CCDC97: variants seen among roughly 807,000 people sequenced by gnomAD.
CCDC97 encodes coiled-coil domain containing 97, also known as coiled-coil domain-containing protein 97.
A neutral mutation model predicts 33.9 loss-of-function variants in CCDC97; 27 were observed. The observed-to-expected ratio is 0.80, with a 90% CI of 0.59 to 1.10. The LOEUF (loss-of-function observed/expected upper bound fraction) is 1.10, where lower values mean the gene tolerates loss of function less well. Ranked by LOEUF, CCDC97 falls within the 50% of genes least tolerant of loss-of-function variation. The pLI is 0.00. For synonymous variants in CCDC97, 217 were observed against 194.0 expected, an observed-to-expected ratio of 1.12 and a Z score of -0.99; for missense variants, 422 against 476.6, an observed-to-expected ratio of 0.89 and a Z score of 1.07.
At chr19:41,320,686 G>GC (rs1230278134) in intron 4 of CCDC97, 4 of 555,132 alleles carry the variant, frequency 7.2e-6, no homozygotes, top group Non-Finnish European at 1.3e-5. Context: ...CACCTCTAAG[G>GC]CAGGGGATGG....
intron 1 of CCDC97, 125 bp from the exon 2 acceptor site, chr19:41,316,259 C>G (rs2037744248): frequency 1.4e-6 from 1 of 699,876 alleles, no homozygotes; most frequent in East Asian, 2.7e-5. Flanking sequence ...TGTGGTTTCT[C>G]TAGTGCCCAG....
chr19:41,315,196 A>T (rs1186125676), intron 1 of CCDC97, among the ~76,000 whole-genome samples: 1 of 148,310 alleles, frequency 6.7e-6, no homozygotes, highest in Admixed American at 6.9e-5. Flanking sequence ...GCTGCTCGGG[A>T]GGCTGAGGCA....
At chr19:41,316,919 T>G in intron 2 of CCDC97, 80 bp downstream of exon 2, 1 of 1,116,728 alleles carries the variant, frequency 9.0e-7, no homozygotes, top group Non-Finnish European at 1.3e-6. Context: ...GAGAAAAGAA[T>G]ACAAGAGCAG....
Position 41,310,334 on chromosome 19 carries a change from G to A in CCDC97, c.24G>A (p.Thr8=), listed in dbSNP as rs371317372. The change falls in exon 1 of 5, where the codon ACG becomes ACA. Residue 8 remains threonine, a synonymous_variant. Coordinates refer to ENST00000269967, the MANE Select transcript of CCDC97 (RefSeq NM_052848.3). MEAVATA[T]AAKEPDKGCI... is the part of the protein sequence containing the mutation. ...GGATGGAGGCCGTGGCGACGGCGACGGCGGCGAAGGAACCCGATAAGGGTG... is the reference window on the plus strand; with the variant it reads ...GGATGGAGGCCGTGGCGACGGCGACAGCGGCGAAGGAACCCGATAAGGGTG... 1.4e-3 allele frequency: 2,188 copies of A among 1,606,636 alleles called. 36 individuals carry two copies. In the South Asian group the frequency reaches 0.023, roughly 17 times the overall value.
chr19:41,316,874 T>C (rs537826394), intron 2 of CCDC97, 35 bp downstream of exon 2: 5 of 1,494,566 alleles, frequency 3.3e-6, no homozygotes, highest in Non-Finnish European at 3.7e-6. Context: ...TGGGCACATA[T>C]GGGGAGGGAG....
rs1599873793 is a variant in CCDC97 at position 41,316,691 on chromosome 19, G to C, written c.354G>C (p.Glu118Asp). 1 of 1,614,088 alleles carries C rather than the reference G, an allele frequency of 6.2e-7. No homozygotes were observed. Among genetic ancestry groups the C allele is most frequent in the Non-Finnish European group, 8.5e-7 (1 of 1,180,020 alleles). ...LERFRTGLRE[E>D]HLACFGHVRG... is the part of the protein sequence containing the mutation. ...GCTTCCGCACAGGCCTCCGTGAGGAGCATCTGGCCTGCTTTGGCCACGTGC... is the reference window on the plus strand; with the variant it reads ...GCTTCCGCACAGGCCTCCGTGAGGACCATCTGGCCTGCTTTGGCCACGTGC... Residue 118 changes from glutamate to aspartate, a missense_variant, in exon 2 of 5, where the codon GAG (glutamate) becomes GAC (aspartate). Coordinates refer to ENST00000269967, the MANE Select transcript of CCDC97 (RefSeq NM_052848.3).
rs533917794 is a variant in CCDC97, at chr19:41,314,932, A to G, written c.47-1452A>G. ...TGGGAGGATTGCCTGAGCTCAAGAG[A>G]TTGAGACCACCCTGGGCAACCTAGT... is the stretch of plus-strand genomic sequence containing the variant. On this transcript the variant is annotated intron_variant, in intron 1 of 4. Transcript: ENST00000269967. Among the ~76,000 whole-genome samples, 10 of 150,796 alleles carry G rather than the reference A, an allele frequency of 6.6e-5. No homozygotes were observed. In the East Asian group the frequency reaches 2.0e-3, roughly 29 times the overall value.
chr19:41,322,841 CCAT>C lies in CCDC97; in HGVS notation c.*128_*130del, dbSNP rs1460556388. The C allele has an allele frequency of 9.1e-7, 1 of 1,099,922 alleles. No homozygotes were observed. The highest frequency in any genetic ancestry group is 1.3e-6 in the Non-Finnish European group (1 of 774,716). 68.1% of individuals were successfully genotyped at this position (1,099,922 alleles called of 1,614,324 possible). Reference sequence around the variant, plus strand: ...AGTGCCCCACAACCCACACACACCACCATCTCACTGGGTCTAGTCTCATCTCAG... The same window carrying C: ...AGTGCCCCACAACCCACACACACCACCTCACTGGGTCTAGTCTCATCTCAG... On this transcript the variant is annotated 3_prime_UTR_variant, in exon 5 of 5. Coordinates refer to ENST00000269967, the MANE Select transcript of CCDC97 (RefSeq NM_052848.3).
chr19:41,315,542 G>A (rs1371814662), intron 1 of CCDC97, among the ~76,000 whole-genome samples: 2 of 151,828 alleles, frequency 1.3e-5, no homozygotes, highest in African/African-American at 4.8e-5. Flanking sequence ...CCCAGGAGGC[G>A]GCAGTTGCAG....
At chr19:41,315,239 G>A (rs1304540771) in intron 1 of CCDC97, among the ~76,000 whole-genome samples, 2 of 140,166 alleles carry the variant, frequency 1.4e-5, no homozygotes, top group Non-Finnish European at 3.0e-5. Flanking sequence ...GGAGGTTGCA[G>A]TGAATCAAGA....
At chr19:41,310,659 C>T (rs1416617207) in intron 1 of CCDC97, 3 of 1,315,160 alleles carry the variant, frequency 2.3e-6, no homozygotes, top group East Asian at 6.2e-5. Context: ...TCTACCCCGG[C>T]CTAATTCCTG....
chr19:41,321,464 A>C (rs2037824343), intron 4 of CCDC97, among the ~76,000 whole-genome samples: 1 of 152,210 alleles, frequency 6.6e-6, no homozygotes, highest in Non-Finnish European at 1.5e-5. Context: ...CCATCCGTGC[A>C]TTCAGTTGGC....
chr19:41,317,671 A>G (rs1326415741), intron 2 of CCDC97, among the ~76,000 whole-genome samples: 1 of 151,238 alleles, frequency 6.6e-6, no homozygotes, highest in African/African-American at 2.4e-5. Context: ...AGATCCCACC[A>G]CTAAGCTCTA....
At chr19:41,316,148 A>G (rs116170735) in intron 1 of CCDC97, among the ~76,000 whole-genome samples, 1 of 151,952 alleles carries the variant, frequency 6.6e-6, no homozygotes, top group African/African-American at 2.4e-5. Context: ...TTCCCTGTTT[A>G]TTTTTCCGCA....
Position 41,316,848 on chromosome 19 carries a change from G to A in CCDC97, c.502+9G>A, listed in dbSNP as rs1189927100. ...GCGAGAGCTGATCCAAGGTGTGGGG[G>A]CCAGATGGGCGACAGTGGGCACATA... On this transcript the variant is annotated intron_variant, in intron 2 of 4. Transcript: ENST00000269967. 3.8e-6 allele frequency: 6 copies of A among 1,571,216 alleles called. No individual in the cohort carries two copies. The highest frequency in any genetic ancestry group is 5.2e-6 in the Non-Finnish European group (6 of 1,151,490).
At chr19:41,319,451 G>A (rs2037789980) in intron 2 of CCDC97, 123 bp from the exon 3 acceptor site, 2 of 731,668 alleles carry the variant, frequency 2.7e-6, no homozygotes, top group Admixed American at 5.2e-5. Flanking sequence ...TTTTGAATGT[G>A]TGCATACACA....
chr19:41,321,560 G>T (rs531411515), intron 4 of CCDC97, among the ~76,000 whole-genome samples: 15 of 152,348 alleles, frequency 9.8e-5, no homozygotes, highest in Middle Eastern at 3.4e-3. Flanking sequence ...CTGAAAAGGG[G>T]TCCCACTCTA....
chr19:41,316,440 T>C lies in CCDC97; in HGVS notation c.103T>C (p.Ser35Pro), dbSNP rs911179337. 2 of 1,614,076 alleles carry C rather than the reference T, an allele frequency of 1.2e-6. No homozygotes were observed. The highest frequency in any genetic ancestry group is 1.1e-5 in the South Asian group (1 of 91,082). The change falls in exon 2 of 5, where the codon TCT becomes CCT. Residue 35 changes from serine to proline, a missense_variant. Coordinates refer to ENST00000269967, the MANE Select transcript of CCDC97 (RefSeq NM_052848.3). ...TGAGCTGAGCCGGACACCAGTCCCA[T>C]CTAAACCCCAGGACAAAGTGGAAGC... ...WGELSRTPVPSKPQDKVEAAE... is the reference protein window; with the variant it reads ...WGELSRTPVPPKPQDKVEAAE...
chr19:41,310,626 ACT>A (rs1213698625), intron 1 of CCDC97: 12 of 985,078 alleles, frequency 1.2e-5, no homozygotes, highest in South Asian at 4.7e-5. Context: ...TACCAGGCTA[ACT>A]CTCAAATTAA....
Sources: gnomAD v4.1 joint callset for allele counts (sites outside exome capture counted in the v4.1 genomes callset) on GRCh38, gnomAD v4.1.1 for gene constraint, MANE v1.5 for transcripts, NCBI Gene and HGNC (gene_info 2026-07-23, HGNC 2026-07-21) for gene names.